The following DEFB134 variants were observed in gnomAD, a reference collection of about 807,000 sequenced individuals.
The protein encoded by DEFB134 is defensin beta 134.
A neutral mutation model predicts 7.4 loss-of-function variants in DEFB134; 7 were observed. That is an observed-to-expected ratio of 0.95 (90% CI 0.54 to 1.79). DEFB134 has a LOEUF of 1.79. Ranked by LOEUF, DEFB134 falls within the 40% of genes most tolerant of loss-of-function variation. DEFB134 has a pLI of 0.00. For missense variants in DEFB134, 105 were observed against 74.8 expected, an observed-to-expected ratio of 1.40 and a Z score of -1.49; for synonymous variants, 33 against 25.0, an observed-to-expected ratio of 1.32 and a Z score of -0.96.
chr8:11,994,063 G>T, exon 2 of DEFB134: 1 of 1,613,840 alleles, frequency 6.2e-7, no homozygotes, highest in Non-Finnish European at 8.5e-7. Flanking sequence ...TAGCATTCAA[G>T]TCTGCAGATG....
chr8:11,995,933 G>A (rs1482375419), intron 1 of DEFB134, among the ~76,000 whole-genome samples: 1 of 144,342 alleles, frequency 6.9e-6, no homozygotes, highest in African/African-American at 2.8e-5. Flanking sequence ...AGAAACTAAG[G>A]CTCATTGGTG....
chr8:11,994,082 A>G (rs754656894), exon 2 of DEFB134: 2 of 1,613,718 alleles, frequency 1.2e-6, no homozygotes, highest in Non-Finnish European at 1.7e-6. Context: ...TGCCATTTTT[A>G]TAGCATTTCT....
At chr8:11,996,874 A>G (rs1800138350), upstream of DEFB134, among the ~76,000 whole-genome samples, 1 of 152,228 alleles carries the variant, frequency 6.6e-6, no homozygotes, top group African/African-American at 2.4e-5. Context: ...TGTCAAGGTC[A>G]TTTAAAATAA....
At chr8:11,996,071 G>T in intron 1 of DEFB134, 123 bp downstream of exon 2, 1 of 1,186,492 alleles carries the variant, frequency 8.4e-7, no homozygotes, top group Non-Finnish European at 1.2e-6. Context: ...ATCAAAACTA[G>T]TTGATGCTTT....
chr8:11,998,438 G>C (rs1028035159), upstream of DEFB134, among the ~76,000 whole-genome samples: 1 of 137,730 alleles, frequency 7.3e-6, no homozygotes, highest in Non-Finnish European at 1.5e-5. Flanking sequence ...GTGATAGAGT[G>C]AGACGCTGTC....
chr8:11,995,523 C>T (rs897711492), intron 1 of DEFB134, among the ~76,000 whole-genome samples: 10 of 152,186 alleles, frequency 6.6e-5, no homozygotes, highest in Admixed American at 3.3e-4. Context: ...GGGCCACTCA[C>T]ACTCTCTGTC....
chr8:11,998,257 T>C (rs1233203003), upstream of DEFB134, among the ~76,000 whole-genome samples: 1 of 151,868 alleles, frequency 6.6e-6, no homozygotes, highest in African/African-American at 2.4e-5. Flanking sequence ...AAGGCCACCT[T>C]GTGCAACATG....
intron 1 of DEFB134, 102 bp downstream of exon 2, chr8:11,996,092 G>GA: frequency 7.2e-7 from 1 of 1,396,208 alleles, no homozygotes. Context: ...TTTCTAGCTT[G>GA]AAAATTAAAG....
At chr8:11,995,876 TA>T (rs1356555876) in intron 1 of DEFB134, among the ~76,000 whole-genome samples, 1 of 151,936 alleles carries the variant, frequency 6.6e-6, no homozygotes, top group Admixed American at 6.6e-5. Context: ...TGATCTGATT[TA>T]ATCCTTGTGA....
intron 1 of DEFB134, 118 bp downstream of exon 2, chr8:11,996,076 T>C (rs1423883659): frequency 2.4e-6 from 3 of 1,241,206 alleles, no homozygotes; most frequent in African/African-American, 1.5e-5. Context: ...AACTAGTTGA[T>C]GCTTTTTTCT....
chr8:11,998,305 G>T (rs985522232), upstream of DEFB134, among the ~76,000 whole-genome samples: 3 of 151,748 alleles, frequency 2.0e-5, no homozygotes, highest in African/African-American at 4.8e-5. Flanking sequence ...AAAAAAATTA[G>T]CCAGGTGTGA....
intron 1 of DEFB134, 78 bp from the exon 3 acceptor site, chr8:11,994,200 T>C: frequency 1.4e-6 from 2 of 1,475,584 alleles, no homozygotes; most frequent in Admixed American, 2.1e-5. Flanking sequence ...TCAATTTTTA[T>C]CCAACCGGAT....
upstream of DEFB134, chr8:11,999,251 A>G (rs116471722): frequency 7.2e-3 from 1,512 of 209,082 alleles, 25 homozygotes; most frequent in African/African-American, 0.033. Context: ...GGTCATAAAC[A>G]GTATAAAGAA....
At chr8:11,996,588 T>C (rs1800129928), upstream of DEFB134, among the ~76,000 whole-genome samples, 1 of 152,242 alleles carries the variant, frequency 6.6e-6, no homozygotes, top group African/African-American at 2.4e-5. Context: ...TAGGCTTTTG[T>C]TCCAATAAAA....
chr8:11,998,943 G>A (rs537574443), upstream of DEFB134: 1 of 152,226 alleles, frequency 6.6e-6, no homozygotes, highest in African/African-American at 2.4e-5. Context: ...AGAAGAAACT[G>A]ATAAATGCCT....
upstream of DEFB134, among the ~76,000 whole-genome samples, chr8:11,997,688 G>A (rs1800161942): frequency 6.6e-6 from 1 of 152,144 alleles, no homozygotes; most frequent in South Asian, 2.1e-4. Flanking sequence ...AAATATATAT[G>A]CACCCAATAT....
At chr8:11,998,440 G>C (rs1208054105), upstream of DEFB134, among the ~76,000 whole-genome samples, 1 of 129,194 alleles carries the variant, frequency 7.7e-6, no homozygotes, top group African/African-American at 3.0e-5. Context: ...GATAGAGTGA[G>C]ACGCTGTCTT....
upstream of DEFB134, among the ~76,000 whole-genome samples, chr8:11,996,531 A>C (rs969900644): frequency 5.9e-5 from 9 of 152,240 alleles, no homozygotes; most frequent in Admixed American, 4.6e-4. Flanking sequence ...TGGAGGCCTG[A>C]GAACTATGTG....
chr8:11,996,359 G>C, upstream of DEFB134: 1 of 1,267,550 alleles, frequency 7.9e-7, no homozygotes, highest in Non-Finnish European at 1.1e-6. Flanking sequence ...CTCAGGGCTG[G>C]GGTATGCCTC....
Sources: gnomAD v4.1 joint callset for allele counts (sites outside exome capture counted in the v4.1 genomes callset) on GRCh38, gnomAD v4.1.1 for gene constraint, MANE v1.5 for transcripts, NCBI Gene and HGNC (gene_info 2026-07-23, HGNC 2026-07-21) for gene names.